The following THSD7B variants were observed in gnomAD, a reference collection of about 807,000 sequenced individuals.
THSD7B encodes thrombospondin type 1 domain containing 7B.
THSD7B carries 138 observed loss-of-function variants against 213.6 expected under a neutral mutation model. The observed-to-expected ratio is 0.65, with a 90% CI of 0.56 to 0.74. The LOEUF (loss-of-function observed/expected upper bound fraction) is 0.74, where lower values mean the gene tolerates loss of function less well. Among genes scored for constraint, THSD7B ranks in the 30% least tolerant of loss-of-function variants. THSD7B has a pLI of 0.00. For missense variants in THSD7B, 1,931 were observed against 1,991.5 expected (o/e 0.97, Z 0.58); for synonymous variants, 742 against 687.0 (o/e 1.08, Z -1.25).
intron 15 of THSD7B, among the ~76,000 whole-genome samples, chr2:137,503,509 A>ATTATAG (rs1179849843): frequency 5.1e-4 from 77 of 152,288 alleles, no homozygotes; most frequent in African/African-American, 1.8e-3. Flanking sequence ...ACATGTAGCT[A>ATTATAG]TTATGTAATG....
chr2:137,002,946 G>T (rs553272395), intron 2 of THSD7B, among the ~76,000 whole-genome samples: 1 of 152,034 alleles, frequency 6.6e-6, no homozygotes, highest in East Asian at 1.9e-4. Flanking sequence ...ATACCAGGAG[G>T]GTCAATGATT....
At chr2:137,397,545 G>C (rs1686225219) in intron 12 of THSD7B, among the ~76,000 whole-genome samples, 1 of 151,640 alleles carries the variant, frequency 6.6e-6, no homozygotes, top group South Asian at 2.1e-4. Context: ...CTGTTAGTCT[G>C]ATGGGCTTCC....
chr2:137,153,535 C>A (rs1406267881), intron 5 of THSD7B, among the ~76,000 whole-genome samples: 3 of 152,158 alleles, frequency 2.0e-5, no homozygotes, highest in African/African-American at 7.2e-5. Context: ...TGATTTAATT[C>A]TTTAAGCTGC....
chr2:137,289,338 T>C (rs1350192502), intron 12 of THSD7B, among the ~76,000 whole-genome samples: 4 of 151,988 alleles, frequency 2.6e-5, no homozygotes, highest in Non-Finnish European at 5.9e-5. Flanking sequence ...TTAAAGGCTC[T>C]TAGATTGCAG....
At chr2:136,966,526 T>A (rs1336169612) in intron 2 of THSD7B, among the ~76,000 whole-genome samples, 3 of 152,216 alleles carry the variant, frequency 2.0e-5, no homozygotes, top group African/African-American at 4.8e-5. Flanking sequence ...CAACAACATG[T>A]CTTGAATCAG....
At chr2:137,442,994 A>C (rs1345082699) in intron 14 of THSD7B, among the ~76,000 whole-genome samples, 1 of 152,128 alleles carries the variant, frequency 6.6e-6, no homozygotes, top group Non-Finnish European at 1.5e-5. Context: ...TATGTGATTA[A>C]AGCATTCAGT....
At chr2:136,948,849 G>T (rs1684987374) in intron 2 of THSD7B, among the ~76,000 whole-genome samples, 1 of 152,118 alleles carries the variant, frequency 6.6e-6, no homozygotes, top group Non-Finnish European at 1.5e-5. Flanking sequence ...GAAAGATGCA[G>T]AATTTAAAAC....
intron 7 of THSD7B, among the ~76,000 whole-genome samples, chr2:137,177,046 T>C (rs576750400): frequency 2.8e-4 from 42 of 152,300 alleles, no homozygotes; most frequent in African/African-American, 9.4e-4. Context: ...TCATACCATG[T>C]TGATGATAGT....
At chr2:137,249,823 C>T (rs1682129628) in intron 10 of THSD7B, among the ~76,000 whole-genome samples, 1 of 152,208 alleles carries the variant, frequency 6.6e-6, no homozygotes, top group African/African-American at 2.4e-5. Context: ...GATAGTCTTT[C>T]TTGTCTATTA....
chr2:136,876,972 TCTC>T (rs1257577844), intron 1 of THSD7B, among the ~76,000 whole-genome samples: 1 of 152,120 alleles, frequency 6.6e-6, no homozygotes, highest in African/African-American at 2.4e-5. Flanking sequence ...TGTGGCACTG[TCTC>T]CTCTTCTGGA....
At chr2:137,427,784 G>A (rs1309768774) in intron 14 of THSD7B, among the ~76,000 whole-genome samples, 3 of 152,102 alleles carry the variant, frequency 2.0e-5, no homozygotes, top group Non-Finnish European at 2.9e-5. Flanking sequence ...GGCAATCATA[G>A]TTAATAATAG....
At chr2:137,058,749 T>C (rs746034374) in intron 3 of THSD7B, among the ~76,000 whole-genome samples, 6 of 152,156 alleles carry the variant, frequency 3.9e-5, no homozygotes, top group Non-Finnish European at 8.8e-5. Flanking sequence ...GTCGTGATGA[T>C]GCAGTTCTCA....
At chr2:136,839,295 C>T (rs778196) in intron 1 of THSD7B, among the ~76,000 whole-genome samples, 56,177 of 152,032 alleles carry the variant, frequency 0.37, 10,694 homozygotes, top group South Asian at 0.42. Context: ...TCATGTTTCT[C>T]CCTTTCTGTC....
intron 1 of THSD7B, among the ~76,000 whole-genome samples, chr2:136,786,773 G>A (rs1364877065): frequency 6.6e-6 from 1 of 152,160 alleles, no homozygotes; most frequent in Admixed American, 6.5e-5. Context: ...ACTTTCTTCT[G>A]TGTGTAGGCT....
chr2:137,431,829 A>AATAG (rs1353148539), intron 14 of THSD7B, among the ~76,000 whole-genome samples: 1 of 152,204 alleles, frequency 6.6e-6, no homozygotes, highest in Non-Finnish European at 1.5e-5. Flanking sequence ...TTAGATTTGG[A>AATAG]ATAGATAGAG....
intron 1 of THSD7B, among the ~76,000 whole-genome samples, chr2:136,859,747 C>A (rs1460521072): frequency 6.6e-6 from 1 of 152,134 alleles, no homozygotes; most frequent in African/African-American, 2.4e-5. Context: ...ACTGTAAGTT[C>A]TTTGGCATTT....
chr2:137,167,095 C>T (rs557738636), intron 6 of THSD7B, among the ~76,000 whole-genome samples: 19 of 152,222 alleles, frequency 1.2e-4, no homozygotes, highest in East Asian at 1.2e-3. Flanking sequence ...AGTTCAGGGC[C>T]GCCAGAGAGG....
chr2:137,662,229 A>ATTT lies in THSD7B; in HGVS notation c.4459-1144_4459-1142dup, dbSNP rs36040861. ...AGATGCCCGCCACGACGCCCGGCTAATTTTTTTTTTTTCTTTTTTTTTTTT... is the reference window on the plus strand; with the variant it reads ...AGATGCCCGCCACGACGCCCGGCTAATTTTTTTTTTTTTTTCTTTTTTTTTTTT... On this transcript the variant is annotated intron_variant, in intron 25 of 27. Transcript: ENST00000409968. 1.7e-3 allele frequency among the ~76,000 whole-genome samples: 173 copies of ATTT among 101,782 alleles called. 8 individuals are homozygous for ATTT. Among genetic ancestry groups the ATTT allele is most frequent in the African/African-American group, 4.0e-3 (102 of 25,376 alleles). 66.8% of individuals were successfully genotyped at this position (101,782 alleles called of 152,430 possible).
intron 12 of THSD7B, among the ~76,000 whole-genome samples, chr2:137,401,013 A>G (rs747903282): frequency 6.6e-6 from 1 of 152,330 alleles, no homozygotes; most frequent in East Asian, 1.9e-4. Context: ...GAGTTAGCAC[A>G]GTGAGGAAGA....
Sources: gnomAD v4.1 joint callset for allele counts (sites outside exome capture counted in the v4.1 genomes callset) on GRCh38, gnomAD v4.1.1 for gene constraint, MANE v1.5 for transcripts, NCBI Gene and HGNC (gene_info 2026-07-23, HGNC 2026-07-21) for gene names.